The following NTM variants were observed in gnomAD, a reference collection of about 807,000 sequenced individuals.
The protein encoded by NTM is IgLON family member 2.
A neutral mutation model predicts 42.1 loss-of-function variants in NTM; 13 were observed. The ratio of observed to expected loss-of-function variants is 0.31; its 90% confidence interval spans 0.20 to 0.49. NTM has a LOEUF of 0.49. Ranked by LOEUF, NTM falls within the 20% of genes least tolerant of loss-of-function variation. NTM has a pLI of 0.99. For synonymous variants in NTM, 187 were observed against 179.2 expected (o/e 1.04, Z -0.35); for missense variants, 373 against 452.8 (o/e 0.82, Z 1.60).
At chr11:132,327,457 G>C (rs2095707852) in intron 7 of NTM, among the ~76,000 whole-genome samples, 1 of 152,240 alleles carries the variant, frequency 6.6e-6, no homozygotes, top group Non-Finnish European at 1.5e-5. Flanking sequence ...ATTAAAGACA[G>C]TTAATTAGGC....
intron 1 of NTM, among the ~76,000 whole-genome samples, chr11:131,635,039 T>A (rs1343908571): frequency 2.0e-5 from 3 of 152,178 alleles, no homozygotes; most frequent in Non-Finnish European, 4.4e-5. Flanking sequence ...CCACGGTGAT[T>A]TCCTAGGATT....
At chr11:131,998,423 C>A (rs1164265554) in intron 2 of NTM, among the ~76,000 whole-genome samples, 1 of 152,182 alleles carries the variant, frequency 6.6e-6, no homozygotes, top group African/African-American at 2.4e-5. Context: ...TGTCCTACCA[C>A]ACAGGCAAGG....
At chr11:131,446,576 G>A (rs79260302) in intron 1 of NTM, among the ~76,000 whole-genome samples, 3,198 of 152,134 alleles carry the variant, frequency 0.021, 135 homozygotes, top group African/African-American at 0.075. Context: ...GCGCACATTC[G>A]CCTTCCTCTG....
At chr11:131,564,041 G>C (rs1267809206) in intron 1 of NTM, among the ~76,000 whole-genome samples, 1 of 152,094 alleles carries the variant, frequency 6.6e-6, no homozygotes, top group Non-Finnish European at 1.5e-5. Context: ...GCTTCACTAG[G>C]AACACTGTAA....
intron 4 of NTM, among the ~76,000 whole-genome samples, chr11:132,232,965 A>G (rs1335919028): frequency 1.3e-5 from 2 of 152,328 alleles, no homozygotes; most frequent in African/African-American, 2.4e-5. Flanking sequence ...TTTACACAGC[A>G]CAATTAATCT....
intron 1 of NTM, among the ~76,000 whole-genome samples, chr11:131,388,730 G>C (rs1022331588): frequency 6.6e-6 from 1 of 152,018 alleles, no homozygotes; most frequent in Non-Finnish European, 1.5e-5. Flanking sequence ...GATGGTGGTT[G>C]GCCTGGAGTG....
chr11:131,500,569 ATATATATATTTT>A (rs577765961), intron 1 of NTM, among the ~76,000 whole-genome samples: 1,890 of 58,038 alleles, frequency 0.033, 71 homozygotes, highest in East Asian at 0.28. Context: ...ATATATATAT[ATATATATATTTT>A]TTTTTTTTTT....
rs187250877 is a variant in NTM, at chr11:132,014,052, C to T, written c.167+102404C>T. On this transcript the variant is annotated intron_variant, in intron 2 of 8. Transcript: ENST00000683400. ...CTTTCTTCATACCCTTCCTCTCCAC[C>T]CCTTCACAGCCCTCACATCCTTCGG... Among the ~76,000 whole-genome samples, 8 of 152,060 alleles carry T rather than the reference C, an allele frequency of 5.3e-5. No individual in the cohort carries two copies. In the South Asian group the frequency reaches 1.2e-3, roughly 24 times the overall value.
chr11:132,164,385 A>C (rs1390884450), intron 3 of NTM, among the ~76,000 whole-genome samples: 1 of 152,212 alleles, frequency 6.6e-6, no homozygotes, highest in Non-Finnish European at 1.5e-5. Flanking sequence ...GGAAAGGACC[A>C]TCCATTAGAC....
At chr11:131,593,705 A>G (rs910856798) in intron 1 of NTM, among the ~76,000 whole-genome samples, 1 of 152,136 alleles carries the variant, frequency 6.6e-6, no homozygotes, top group African/African-American at 2.4e-5. Flanking sequence ...AATTCACTCA[A>G]TCTAGTTCTA....
chr11:131,911,404 C>T, intron 1 of NTM, 160 bp from the exon 2 acceptor site: 1 of 1,599,786 alleles, frequency 6.3e-7, no homozygotes, highest in East Asian at 2.2e-5. Flanking sequence ...CGCTCCGCAC[C>T]CCACCCACTT....
chr11:132,295,174 G>T (rs1179574242), intron 4 of NTM, among the ~76,000 whole-genome samples: 1 of 151,570 alleles, frequency 6.6e-6, no homozygotes, highest in Non-Finnish European at 1.5e-5. Context: ...ACACGAGAAA[G>T]AAAAACCTTA....
intron 2 of NTM, among the ~76,000 whole-genome samples, chr11:132,040,791 TTCAAGTCTTGA>T (rs747718226): frequency 6.5e-4 from 99 of 152,324 alleles, no homozygotes; most frequent in South Asian, 1.5e-3. Context: ...AATTAACCTG[TTCAAGTCTTGA>T]GGATTTTTAT....
At chr11:132,151,719 G>C (rs926922159) in intron 3 of NTM, among the ~76,000 whole-genome samples, 2 of 152,102 alleles carry the variant, frequency 1.3e-5, no homozygotes, top group African/African-American at 4.8e-5. Context: ...CCTGCCTTTG[G>C]AGTCAAACAG....
intron 1 of NTM, among the ~76,000 whole-genome samples, chr11:131,908,371 G>A (rs2054169999): frequency 6.6e-6 from 1 of 152,188 alleles, no homozygotes; most frequent in Admixed American, 6.5e-5. Flanking sequence ...GGCCCCTCGG[G>A]AAAGCCTGTT....
chr11:131,716,847 T>C (rs1314559764), intron 1 of NTM, among the ~76,000 whole-genome samples: 1 of 152,162 alleles, frequency 6.6e-6, no homozygotes, highest in Non-Finnish European at 1.5e-5. Context: ...TTTGTTGTTG[T>C]TGTTGTTGTT....
intron 1 of NTM, among the ~76,000 whole-genome samples, chr11:131,475,017 C>T (rs1055680191): frequency 6.6e-6 from 1 of 152,098 alleles, no homozygotes; most frequent in Admixed American, 6.6e-5. Context: ...CTTGTAATTA[C>T]CCCAAACAAT....
intron 1 of NTM, among the ~76,000 whole-genome samples, chr11:131,420,313 G>T (rs1291714219): frequency 2.6e-5 from 4 of 152,100 alleles, no homozygotes; most frequent in South Asian, 2.1e-4. Flanking sequence ...GCTATGAGGG[G>T]CCACGAGACA....
intron 2 of NTM, among the ~76,000 whole-genome samples, chr11:132,063,634 A>G (rs997520938): frequency 2.6e-5 from 4 of 152,140 alleles, no homozygotes; most frequent in Admixed American, 2.6e-4. Flanking sequence ...TCAGACTTAG[A>G]CTTCAATCAT....
Sources: gnomAD v4.1 joint callset for allele counts (sites outside exome capture counted in the v4.1 genomes callset) on GRCh38, gnomAD v4.1.1 for gene constraint, MANE v1.5 for transcripts, NCBI Gene and HGNC (gene_info 2026-07-23, HGNC 2026-07-21) for gene names.